FHIT: variants seen among roughly 807,000 people sequenced by gnomAD.
The protein encoded by FHIT is fragile histidine triad diadenosine triphosphatase, also known as bis(5'-adenosyl)-triphosphatase.
In FHIT, 19 loss-of-function variants were observed where a neutral mutation model predicts 17.9. The observed-to-expected ratio is 1.06, with a 90% CI of 0.74 to 1.56. The LOEUF is 1.56. Ranked by LOEUF, FHIT falls within the 40% of genes most tolerant of loss-of-function variation. The pLI is 0.00. For synonymous variants in FHIT, 81 were observed against 69.7 expected (o/e 1.16, Z -0.81); for missense variants, 248 against 189.2 (o/e 1.31, Z -1.82).
intron 4 of FHIT, among the ~76,000 whole-genome samples, chr3:60,669,383 C>T (rs2040459636): frequency 6.6e-6 from 1 of 152,210 alleles, no homozygotes. Context: ...CACAATCTCA[C>T]AATCATTTTT....
intron 5 of FHIT, among the ~76,000 whole-genome samples, chr3:60,090,938 C>A (rs1169878337): frequency 6.6e-6 from 1 of 152,178 alleles, no homozygotes; most frequent in Non-Finnish European, 1.5e-5. Flanking sequence ...GTAAGAAACA[C>A]TGAATATGAT....
intron 5 of FHIT, among the ~76,000 whole-genome samples, chr3:60,125,769 C>A (rs1254762532): frequency 6.6e-6 from 1 of 151,998 alleles, no homozygotes; most frequent in Non-Finnish European, 1.5e-5. Context: ...GGGAGGACTG[C>A]ATTTGGCTTT....
At chr3:59,969,223 G>C (rs1230914310) in intron 7 of FHIT, among the ~76,000 whole-genome samples, 1 of 152,138 alleles carries the variant, frequency 6.6e-6, no homozygotes, top group African/African-American at 2.4e-5. Context: ...GCTTAAGAAT[G>C]TCTCATGGTT....
At chr3:60,108,085 C>A (rs923704368) in intron 5 of FHIT, among the ~76,000 whole-genome samples, 2 of 152,214 alleles carry the variant, frequency 1.3e-5, no homozygotes, top group African/African-American at 4.8e-5. Context: ...GATTGGTCAA[C>A]TTAATCCAAT....
At chr3:60,659,411 T>C (rs1553690501) in intron 4 of FHIT, among the ~76,000 whole-genome samples, 1 of 151,856 alleles carries the variant, frequency 6.6e-6, no homozygotes, top group African/African-American at 2.4e-5. Flanking sequence ...TCACAATGGG[T>C]ATGTTGGTCT....
At chr3:61,024,147 T>C (rs187300601) in intron 3 of FHIT, among the ~76,000 whole-genome samples, 2 of 152,248 alleles carry the variant, frequency 1.3e-5, no homozygotes, top group African/African-American at 4.8e-5. Context: ...GTTATATTCT[T>C]GTTACCCAAG....
intron 5 of FHIT, among the ~76,000 whole-genome samples, chr3:60,032,411 T>C (rs1031330722): frequency 3.3e-5 from 5 of 151,838 alleles, no homozygotes; most frequent in Admixed American, 2.6e-4. Context: ...ATGATCATAC[T>C]ACTGCACTCC....
At chr3:59,842,782 G>A (rs1458532173) in intron 8 of FHIT, among the ~76,000 whole-genome samples, 1 of 151,922 alleles carries the variant, frequency 6.6e-6, no homozygotes, top group African/African-American at 2.4e-5. Flanking sequence ...CTGAGTTTTA[G>A]GAATTATCTA....
intron 4 of FHIT, among the ~76,000 whole-genome samples, chr3:60,633,101 A>G (rs540518053): frequency 2.0e-5 from 3 of 152,252 alleles, no homozygotes; most frequent in Non-Finnish European, 4.4e-5. Flanking sequence ...AGATTGCCAC[A>G]AGCCTAAACA....
At chr3:60,646,326 A>C (rs1282475499) in intron 4 of FHIT, among the ~76,000 whole-genome samples, 1 of 152,196 alleles carries the variant, frequency 6.6e-6, no homozygotes, top group Non-Finnish European at 1.5e-5. Context: ...TCAAGTGAGC[A>C]AAATGGTATT....
In FHIT at chr3:60,701,865, A is replaced by G. The variant is rs534961369; in HGVS notation, c.-18+120054T>C. The stretch of plus-strand genomic sequence containing the variant: ...ATCTTTTTTCAAAGTTAAACTATAA[A>G]CTGAGTTCCTCCCAAAAGTTAGTTC... On this transcript the variant is annotated intron_variant, in intron 4 of 9. Transcript: ENST00000492590. 7.2e-5 allele frequency among the ~76,000 whole-genome samples: 11 copies of G among 152,276 alleles called. No homozygotes were observed. In the South Asian group the frequency reaches 2.3e-3, roughly 32 times the overall value.
intron 3 of FHIT, among the ~76,000 whole-genome samples, chr3:61,039,874 G>GT (rs2033426829): frequency 6.6e-6 from 1 of 152,126 alleles, no homozygotes; most frequent in African/African-American, 2.4e-5. Context: ...AAAAAAACTT[G>GT]TAAGGGATAT....
intron 8 of FHIT, among the ~76,000 whole-genome samples, chr3:59,847,147 T>C (rs1353569780): frequency 3.9e-5 from 6 of 152,170 alleles, no homozygotes; most frequent in South Asian, 2.1e-4. Context: ...TTTTATTCAT[T>C]ATTTCTTCAA....
intron 7 of FHIT, among the ~76,000 whole-genome samples, chr3:59,991,154 G>A (rs188252453): frequency 5.3e-5 from 8 of 152,188 alleles, no homozygotes; most frequent in Admixed American, 2.0e-4. Context: ...ATGTGTGACA[G>A]TGGGTGTTAC....
At chr3:60,723,505 C>A (rs1004719003) in intron 4 of FHIT, among the ~76,000 whole-genome samples, 1 of 152,202 alleles carries the variant, frequency 6.6e-6, no homozygotes, top group Admixed American at 6.5e-5. Flanking sequence ...CAGCTCCCAG[C>A]AGTAGCCTTG....
chr3:60,781,990 T>C (rs180857169), intron 4 of FHIT, among the ~76,000 whole-genome samples: 1 of 152,276 alleles, frequency 6.6e-6, no homozygotes, highest in East Asian at 1.9e-4. Context: ...TGAATCATTG[T>C]ACCCTTTGAC....
chr3:59,806,668 ATATGTGTATATATATG>A (rs1186187216), intron 8 of FHIT, among the ~76,000 whole-genome samples: 7 of 7,920 alleles, frequency 8.8e-4, no homozygotes, highest in Admixed American at 5.4e-3. Flanking sequence ...GTATACATAT[ATATGTGTATATATATG>A]TATATACATA....
chr3:60,335,679 A>G (rs533041384), intron 5 of FHIT, among the ~76,000 whole-genome samples: 2 of 152,178 alleles, frequency 1.3e-5, no homozygotes, highest in Non-Finnish European at 2.9e-5. Context: ...CACACACACA[A>G]AAAAGTAACA....
intron 4 of FHIT, among the ~76,000 whole-genome samples, chr3:60,789,051 T>A (rs913425761): frequency 6.7e-6 from 1 of 149,348 alleles, no homozygotes; most frequent in Non-Finnish European, 1.5e-5. Flanking sequence ...GGCAGAAAAC[T>A]GAGAGTTGAA....
Sources: allele counts gnomAD v4.1 joint callset (sites outside exome capture counted in the v4.1 genomes callset), GRCh38; gene constraint gnomAD v4.1.1; transcripts MANE v1.5; gene names NCBI Gene and HGNC (gene_info 2026-07-23, HGNC 2026-07-21).